The following MYO1E variants were observed in gnomAD, a reference collection of about 807,000 sequenced individuals.
MYO1E encodes myosin IE, also known as unconventional myosin-Ie.
In MYO1E, 68 loss-of-function variants were observed where a neutral mutation model predicts 151.1. The ratio of observed to expected loss-of-function variants is 0.45; its 90% CI spans 0.37 to 0.55. The LOEUF is 0.55. Ranked by LOEUF, MYO1E falls within the 20% of genes least tolerant of loss-of-function variation. MYO1E has a pLI of 0.00. For missense variants in MYO1E, 1,363 were observed against 1,389.3 expected (o/e 0.98, Z 0.30); for synonymous variants, 601 against 501.7 (o/e 1.20, Z -2.64).
chr15:59,365,533 G>A (rs4774327), intron 1 of MYO1E, among the ~76,000 whole-genome samples: 120,630 of 151,984 alleles, frequency 0.79, 49,342 homozygotes, highest in Non-Finnish European at 0.9. Context: ...TCTGGCACCA[G>A]CTCAGCTAAA....
In MYO1E at chr15:59,319,202, T is replaced by C. The variant is rs575587433; in HGVS notation, c.4-46753A>G. On this transcript the variant is annotated intron_variant, in intron 1 of 27. Coordinates refer to ENST00000288235, the MANE Select transcript of MYO1E (RefSeq NM_004998.4). ...GACAGGCACCTGTAATCCCAGCTAC[T>C]TGGGAGGCTGAGGCAGGAGAACTGC... Among the ~76,000 whole-genome samples, 10 of 152,172 alleles carry C rather than the reference T, an allele frequency of 6.6e-5. No homozygotes were observed. The South Asian group carries it at 1.7e-3, about 25-fold the overall frequency.
At chr15:59,152,869 C>T (rs931534140) in intron 26 of MYO1E, among the ~76,000 whole-genome samples, 13 of 152,192 alleles carry the variant, frequency 8.5e-5, no homozygotes, top group Admixed American at 8.5e-4. Flanking sequence ...ATGCTGTTTA[C>T]ATACGAGGGC....
intron 26 of MYO1E, among the ~76,000 whole-genome samples, chr15:59,152,552 T>C (rs1290793892): frequency 6.6e-6 from 1 of 152,216 alleles, no homozygotes; most frequent in African/African-American, 2.4e-5. Flanking sequence ...GGGGTCCTTA[T>C]GATCATCACC....
At chr15:59,250,861 T>C (rs1364523641) in intron 4 of MYO1E, among the ~76,000 whole-genome samples, 1 of 152,098 alleles carries the variant, frequency 6.6e-6, no homozygotes, top group Non-Finnish European at 1.5e-5. Flanking sequence ...CCTGAACAGC[T>C]GGAAACAAGG....
At chr15:59,154,353 G>C (rs1456167058) in intron 25 of MYO1E, among the ~76,000 whole-genome samples, 1 of 152,234 alleles carries the variant, frequency 6.6e-6, no homozygotes, top group African/African-American at 2.4e-5. Context: ...TGGCCACCCA[G>C]TTGGATCAGT....
At chr15:59,172,800 T>C (rs754975835) in intron 21 of MYO1E, among the ~76,000 whole-genome samples, 1 of 152,212 alleles carries the variant, frequency 6.6e-6, no homozygotes, top group Non-Finnish European at 1.5e-5. Flanking sequence ...CTAATAGAAA[T>C]CTACTTGGGA....
chr15:59,315,690 G>C (rs1288353523), intron 1 of MYO1E, among the ~76,000 whole-genome samples: 1 of 152,102 alleles, frequency 6.6e-6, no homozygotes, highest in Non-Finnish European at 1.5e-5. Context: ...GAGGAAGATT[G>C]AATGAGCTCT....
At chr15:59,185,064 G>A (rs530240920) in intron 18 of MYO1E, among the ~76,000 whole-genome samples, 2 of 152,144 alleles carry the variant, frequency 1.3e-5, no homozygotes, top group Non-Finnish European at 2.9e-5. Flanking sequence ...TCATATGCCT[G>A]TCTGCCATCA....
chr15:59,305,194 ATTAT>A lies in MYO1E; in HGVS notation c.4-32749_4-32746del, dbSNP rs879135305. ...AAGAAGATCATTCCACAATTTATTTATTATTTATTTATCTATCGAGATGGGGTTT... is the reference window on the plus strand; with the variant it reads ...AAGAAGATCATTCCACAATTTATTTATTATTTATCTATCGAGATGGGGTTT... On this transcript the variant is annotated intron_variant, in intron 1 of 27. Coordinates refer to ENST00000288235, the MANE Select transcript of MYO1E (RefSeq NM_004998.4). 1.6e-4 allele frequency among the ~76,000 whole-genome samples: 25 copies of A among 152,210 alleles called. No homozygotes were observed. In the South Asian group the frequency reaches 3.5e-3, roughly 21 times the overall value.
intron 2 of MYO1E, among the ~76,000 whole-genome samples, chr15:59,265,515 C>T (rs1323990874): frequency 6.6e-6 from 1 of 151,842 alleles, no homozygotes; most frequent in South Asian, 2.1e-4. Flanking sequence ...AAAACAAAAA[C>T]AAAAATTTAT....
chr15:59,194,460 GACAC>G (rs2079753674), intron 17 of MYO1E, among the ~76,000 whole-genome samples: 1 of 152,182 alleles, frequency 6.6e-6, no homozygotes, highest in Non-Finnish European at 1.5e-5. Context: ...AAGGAAAATG[GACAC>G]ACCTGTCCCT....
At chr15:59,313,164 T>A (rs754386833) in intron 1 of MYO1E, among the ~76,000 whole-genome samples, 2 of 152,216 alleles carry the variant, frequency 1.3e-5, no homozygotes, top group Non-Finnish European at 2.9e-5. Flanking sequence ...TAATTATCTA[T>A]TCCTACAGAA....
chr15:59,196,703 G>T (rs1300090847), intron 16 of MYO1E, among the ~76,000 whole-genome samples: 2 of 152,176 alleles, frequency 1.3e-5, no homozygotes, highest in Non-Finnish European at 2.9e-5. Context: ...AGATGTGCAG[G>T]AAATAGCATT....
At chr15:59,357,373 A>G (rs1168780045) in intron 1 of MYO1E, among the ~76,000 whole-genome samples, 1 of 152,102 alleles carries the variant, frequency 6.6e-6, no homozygotes, top group Non-Finnish European at 1.5e-5. Flanking sequence ...CACATTAGCA[A>G]TTATAAGATC....
intron 1 of MYO1E, among the ~76,000 whole-genome samples, chr15:59,343,397 T>C (rs1398970042): frequency 6.6e-6 from 1 of 152,136 alleles, no homozygotes; most frequent in Non-Finnish European, 1.5e-5. Context: ...AGCTCCATCA[T>C]ATGTTATTTG....
chr15:59,190,409 C>G (rs1163511001), intron 17 of MYO1E, among the ~76,000 whole-genome samples: 1 of 152,222 alleles, frequency 6.6e-6, no homozygotes, highest in Non-Finnish European at 1.5e-5. Context: ...ATTCCGATGT[C>G]ACGCAGGTTC....
intron 2 of MYO1E, among the ~76,000 whole-genome samples, chr15:59,262,258 G>A (rs1024055416): frequency 5.3e-5 from 8 of 151,802 alleles, no homozygotes; most frequent in Admixed American, 1.3e-4. Context: ...CAAATACAGG[G>A]ATACAAGATG....
chr15:59,323,387 C>T (rs1029583852), intron 1 of MYO1E, among the ~76,000 whole-genome samples: 14 of 151,910 alleles, frequency 9.2e-5, no homozygotes, highest in African/African-American at 3.1e-4. Context: ...GGCACAGTGG[C>T]TCACACCTGT....
intron 1 of MYO1E, among the ~76,000 whole-genome samples, chr15:59,313,458 A>G (rs1473294098): frequency 1.3e-5 from 2 of 151,794 alleles, no homozygotes; most frequent in African/African-American, 4.9e-5. Context: ...GTTATCTAGG[A>G]CCCTGAAATA....
Sources: gnomAD v4.1 joint callset for allele counts (sites outside exome capture counted in the v4.1 genomes callset) on GRCh38, gnomAD v4.1.1 for gene constraint, MANE v1.5 for transcripts, NCBI Gene and HGNC (gene_info 2026-07-23, HGNC 2026-07-21) for gene names.